Variants in TRDN observed in about 807,000 individuals in gnomAD.
TRDN encodes the protein triadin.
TRDN carries 161 observed loss-of-function variants against 149.7 expected under a neutral mutation model. That is an observed-to-expected ratio of 1.08 (90% CI 0.95 to 1.23). The LOEUF is 1.23. Ranked by LOEUF, TRDN falls within the 50% of genes most tolerant of loss-of-function variation. TRDN has a pLI of 0.00. For missense variants in TRDN, 896 were observed against 823.5 expected, an observed-to-expected ratio of 1.09 and a Z score of -1.08; for synonymous variants, 294 against 250.5, an observed-to-expected ratio of 1.17 and a Z score of -1.64.
At chr6:123,564,274 A>AATCAGAGT (rs1402037795) in intron 2 of TRDN, among the ~76,000 whole-genome samples, 1 of 152,200 alleles carries the variant, frequency 6.6e-6, no homozygotes, top group Admixed American at 6.5e-5. Context: ...ATAAGACTTG[A>AATCAGAGT]ATCAGAGTAA....
chr6:123,595,455 C>G (rs1462032983), intron 1 of TRDN, among the ~76,000 whole-genome samples: 1 of 152,018 alleles, frequency 6.6e-6, no homozygotes, highest in Non-Finnish European at 1.5e-5. Context: ...AGTGAACTTA[C>G]CATAAAGAGA....
At chr6:123,627,587 A>T (rs989814832) in intron 1 of TRDN, among the ~76,000 whole-genome samples, 3 of 152,170 alleles carry the variant, frequency 2.0e-5, no homozygotes, top group African/African-American at 7.2e-5. Context: ...CTTCAACTTG[A>T]AGTCACCAGC....
intron 33 of TRDN, 81 bp from the exon 34 acceptor site, chr6:123,260,719 A>G (rs1053360297): frequency 9.2e-5 from 102 of 1,104,560 alleles, no homozygotes; most frequent in Non-Finnish European, 2.8e-5. Flanking sequence ...ATTCAGTAGC[A>G]AACAATTGAA....
Position 123,608,355 on chromosome 6 carries a change from G to T in TRDN, c.22+28399C>A, listed in dbSNP as rs544445035. Among the ~76,000 whole-genome samples, 109 of 152,142 alleles carry T rather than the reference G, an allele frequency of 7.2e-4. 2 individuals carry two copies. The South Asian group carries it at 0.021, about 30-fold the overall frequency. On this transcript the variant is annotated intron_variant, in intron 1 of 40. Coordinates refer to ENST00000334268, the MANE Select transcript of TRDN (RefSeq NM_006073.4). ...TGCAATTCTATCCTGATCCCAGCAC[G>T]GTCTTCAAAAGTGTTATCTTCTTGC...
At chr6:123,506,809 T>C (rs1192034688) in intron 7 of TRDN, among the ~76,000 whole-genome samples, 1 of 152,126 alleles carries the variant, frequency 6.6e-6, no homozygotes, top group Non-Finnish European at 1.5e-5. Context: ...GCTCTCCCAT[T>C]TGAATTAATA....
chr6:123,503,090 ACT>A (rs1426636110), intron 8 of TRDN: 2 of 985,120 alleles, frequency 2.0e-6, no homozygotes, highest in Non-Finnish European at 2.4e-6. Flanking sequence ...GTTTGACATC[ACT>A]CTTGCTGAAG....
At chr6:123,489,628 C>T (rs1457058076) in intron 9 of TRDN, 4 of 152,240 alleles carry the variant, frequency 2.6e-5, no homozygotes, top group Middle Eastern at 6.8e-3. Context: ...ATGGAAACTT[C>T]ATGATCTTTT....
chr6:123,569,197 G>C (rs1782436627), intron 2 of TRDN, among the ~76,000 whole-genome samples: 1 of 152,174 alleles, frequency 6.6e-6, no homozygotes, highest in Admixed American at 6.5e-5. Context: ...ATGCAGCCAA[G>C]ATCTTTGCTA....
At chr6:123,533,409 C>T (rs1780346653) in intron 4 of TRDN, among the ~76,000 whole-genome samples, 1 of 151,998 alleles carries the variant, frequency 6.6e-6, no homozygotes, top group Admixed American at 6.6e-5. Flanking sequence ...GCCATCTTGC[C>T]TGAAAAAATC....
rs140439162 is a variant in TRDN at position 123,550,614 on chromosome 6, C to T, written c.233-2002G>A. The stretch of plus-strand genomic sequence containing the variant: ...ATCATAGTGAGTTTTTCTGTTTTTA[C>T]CATTGTTCAAATAGGAAGAATATCC... On this transcript the variant is annotated intron_variant, in intron 2 of 40. Coordinates refer to ENST00000334268, the MANE Select transcript of TRDN (RefSeq NM_006073.4). Among the ~76,000 whole-genome samples, 215 of 151,966 alleles carry T rather than the reference C, an allele frequency of 1.4e-3. 1 individual carries two copies. The highest frequency in any genetic ancestry group is 4.7e-3 in the African/African-American group (196 of 41,510).
intron 9 of TRDN, among the ~76,000 whole-genome samples, chr6:123,474,572 G>A (rs1467772010): frequency 4.6e-5 from 7 of 152,082 alleles, no homozygotes; most frequent in East Asian, 1.9e-4. Context: ...GCACCAAGCC[G>A]ACCTAATAGA....
chr6:123,521,851 G>A (rs551829628), intron 5 of TRDN, among the ~76,000 whole-genome samples: 2 of 152,000 alleles, frequency 1.3e-5, no homozygotes, highest in South Asian at 2.1e-4. Context: ...ATCTCTCCTC[G>A]AGGACATCTC....
At chr6:123,393,330 C>T (rs1050283531) in intron 13 of TRDN, among the ~76,000 whole-genome samples, 7 of 151,920 alleles carry the variant, frequency 4.6e-5, no homozygotes, top group South Asian at 2.1e-4. Context: ...TTTCTTTATG[C>T]ACATCAATGG....
At chr6:123,540,761 G>T (rs1355755769) in intron 4 of TRDN, among the ~76,000 whole-genome samples, 1 of 152,100 alleles carries the variant, frequency 6.6e-6, no homozygotes, top group East Asian at 1.9e-4. Context: ...CTCGTGATCT[G>T]CCCGCCTCGG....
At chr6:123,472,560 C>T (rs375125753) in intron 9 of TRDN, among the ~76,000 whole-genome samples, 200 of 152,340 alleles carry the variant, frequency 1.3e-3, no homozygotes, top group African/African-American at 4.5e-3. Context: ...CCGGGAAGCT[C>T]GAACTGGGTG....
Position 123,335,485 on chromosome 6 carries a change from A to T in TRDN, c.1420+2134T>A, listed in dbSNP as rs545988718. 2.7e-3 allele frequency among the ~76,000 whole-genome samples: 414 copies of T among 151,972 alleles called. 2 individuals are homozygous for T. Among genetic ancestry groups the T allele is most frequent in the African/African-American group, 9.2e-3 (382 of 41,566 alleles). The stretch of plus-strand genomic sequence containing the variant: ...AGCATGTGATTATTGATTTAGGATG[A>T]TGTAAAATATACAATTGCAACAATA... On this transcript the variant is annotated intron_variant, in intron 22 of 40. Transcript: ENST00000334268.
chr6:123,493,731 A>C (rs1778319162), intron 9 of TRDN, among the ~76,000 whole-genome samples: 1 of 152,228 alleles, frequency 6.6e-6, no homozygotes, highest in Non-Finnish European at 1.5e-5. Flanking sequence ...TAGTGGATAC[A>C]TGCAGAGCAA....
At chr6:123,228,136 T>C (rs1362465265) in intron 38 of TRDN, among the ~76,000 whole-genome samples, 1 of 151,934 alleles carries the variant, frequency 6.6e-6, no homozygotes, top group East Asian at 1.9e-4. Context: ...TTTATAAATG[T>C]TAACACTTTT....
chr6:123,494,134 G>C (rs1024977695), intron 9 of TRDN, among the ~76,000 whole-genome samples: 2 of 152,106 alleles, frequency 1.3e-5, no homozygotes, highest in African/African-American at 4.8e-5. Context: ...AATTCAATTA[G>C]TAAGTCAATT....
Sources: gnomAD v4.1 joint callset for allele counts (sites outside exome capture counted in the v4.1 genomes callset) on GRCh38, gnomAD v4.1.1 for gene constraint, MANE v1.5 for transcripts, NCBI Gene and HGNC (gene_info 2026-07-23, HGNC 2026-07-21) for gene names.